The following IMMP2L variants were observed in gnomAD, a reference collection of about 807,000 sequenced individuals.
IMMP2L encodes the protein mitochondrial inner membrane protease subunit 2.
In IMMP2L, 18 loss-of-function variants were observed where a neutral mutation model predicts 19.3. That is an observed-to-expected ratio of 0.93 (90% CI 0.64 to 1.38). The LOEUF is 1.38. Ranked by LOEUF, IMMP2L falls within the 40% of genes most tolerant of loss-of-function variation. IMMP2L has a pLI of 0.00. For missense variants in IMMP2L, 233 were observed against 218.2 expected, an observed-to-expected ratio of 1.07 and a Z score of -0.43; for synonymous variants, 76 against 73.0, an observed-to-expected ratio of 1.04 and a Z score of -0.21.
intron 5 of IMMP2L, among the ~76,000 whole-genome samples, chr7:110,716,465 G>T (rs1390741946): frequency 2.0e-5 from 3 of 152,152 alleles, no homozygotes; most frequent in Admixed American, 1.3e-4. Flanking sequence ...TTTAGAACCT[G>T]CTGAAGGGTC....
intron 3 of IMMP2L, among the ~76,000 whole-genome samples, chr7:110,997,350 G>A (rs1469526328): frequency 6.6e-6 from 1 of 151,988 alleles, no homozygotes; most frequent in Non-Finnish European, 1.5e-5. Context: ...TAAAGATGCT[G>A]TAGACATCAA....
At chr7:111,145,923 T>C (rs937398894) in intron 3 of IMMP2L, among the ~76,000 whole-genome samples, 30 of 152,108 alleles carry the variant, frequency 2.0e-4, no homozygotes, top group African/African-American at 6.8e-4. Flanking sequence ...ATATGTTGGC[T>C]CCATTCATCA....
intron 3 of IMMP2L, among the ~76,000 whole-genome samples, chr7:111,234,111 G>A (rs1393603628): frequency 6.6e-6 from 1 of 152,008 alleles, no homozygotes; most frequent in Non-Finnish European, 1.5e-5. Context: ...AAATCTTGAT[G>A]TGTTTTCATT....
intron 3 of IMMP2L, among the ~76,000 whole-genome samples, chr7:111,179,224 T>A (rs2129610662): frequency 6.6e-6 from 1 of 152,156 alleles, no homozygotes; most frequent in South Asian, 2.1e-4. Context: ...ATCTGAGAAG[T>A]AGGTCTCAAC....
intron 3 of IMMP2L, among the ~76,000 whole-genome samples, chr7:111,304,718 G>GTGTGTGTGTGT (rs67899815): frequency 2.1e-5 from 3 of 140,676 alleles, no homozygotes; most frequent in East Asian, 2.1e-4. Flanking sequence ...GTGTGTGTGT[G>GTGTGTGTGTGT]GTGTATCCTG....
At position 111,544,602 on chromosome 7, in the gene IMMP2L, G is replaced by A. The variant is rs1448689000; in HGVS notation, c.-3+17249C>T. 4.6e-5 allele frequency among the ~76,000 whole-genome samples: 7 copies of A among 152,038 alleles called. No individual in the cohort carries two copies. In the South Asian group the frequency reaches 8.3e-4, roughly 18 times the overall value. On this transcript the variant is annotated intron_variant, in intron 1 of 5. Coordinates refer to ENST00000405709, the MANE Select transcript of IMMP2L (RefSeq NM_032549.4). ...TACACATTTACCTTTGGAATAATAC[G>A]TCATCTGCTTTTTGTATTCTAGACA... is the stretch of plus-strand genomic sequence containing the variant.
At chr7:111,345,344 A>T (rs997301657) in intron 3 of IMMP2L, among the ~76,000 whole-genome samples, 2 of 152,056 alleles carry the variant, frequency 1.3e-5, no homozygotes, top group African/African-American at 4.8e-5. Context: ...CTGAGGCACA[A>T]TTTGCTACCC....
intron 3 of IMMP2L, among the ~76,000 whole-genome samples, chr7:111,396,822 C>T (rs1270379434): frequency 6.6e-6 from 1 of 152,008 alleles, no homozygotes; most frequent in Non-Finnish European, 1.5e-5. Flanking sequence ...CGGTGGCTCA[C>T]GCCTGTAATC....
chr7:111,232,902 G>A (rs1233587248), intron 3 of IMMP2L, among the ~76,000 whole-genome samples: 1 of 152,026 alleles, frequency 6.6e-6, no homozygotes, highest in Non-Finnish European at 1.5e-5. Context: ...CTCAGAGTCA[G>A]CTCCTCTGGA....
chr7:111,543,625 G>C (rs1375005820), intron 1 of IMMP2L, among the ~76,000 whole-genome samples: 1 of 152,072 alleles, frequency 6.6e-6, no homozygotes, highest in African/African-American at 2.4e-5. Flanking sequence ...TTTTATTTGA[G>C]AGCAAATGTA....
intron 3 of IMMP2L, among the ~76,000 whole-genome samples, chr7:111,158,559 T>A (rs1054258003): frequency 2.0e-5 from 3 of 152,188 alleles, no homozygotes; most frequent in East Asian, 3.8e-4. Context: ...TCCAAAACTC[T>A]AGTTTTTCGA....
chr7:111,009,368 T>C (rs373451317), intron 3 of IMMP2L, among the ~76,000 whole-genome samples: 1 of 152,072 alleles, frequency 6.6e-6, no homozygotes, highest in African/African-American at 2.4e-5. Context: ...ATATATGCAT[T>C]TTTTTCTGAG....
intron 5 of IMMP2L, among the ~76,000 whole-genome samples, chr7:110,681,108 G>A (rs1259688135): frequency 6.6e-6 from 1 of 151,692 alleles, no homozygotes; most frequent in African/African-American, 2.4e-5. Flanking sequence ...AGGCTGATGT[G>A]GAAATACTGG....
intron 3 of IMMP2L, among the ~76,000 whole-genome samples, chr7:111,142,430 A>T (rs1477488620): frequency 6.6e-6 from 1 of 152,062 alleles, no homozygotes; most frequent in Non-Finnish European, 1.5e-5. Context: ...TCATAATATC[A>T]GAAGTATTAC....
chr7:110,876,377 T>C (rs1196379819), intron 5 of IMMP2L, among the ~76,000 whole-genome samples: 1 of 152,124 alleles, frequency 6.6e-6, no homozygotes, highest in Non-Finnish European at 1.5e-5. Flanking sequence ...CTTTGACACT[T>C]TGATGGAATA....
rs903191426 is a variant in IMMP2L at position 110,728,570 on chromosome 7, T to C, written c.409-64849A>G. Among the ~76,000 whole-genome samples, 1 of 152,152 alleles carries C rather than the reference T, an allele frequency of 6.6e-6. No homozygotes were observed. The highest frequency in any genetic ancestry group is 1.5e-5 in the Non-Finnish European group (1 of 68,010). ...TTTGACCCACCTTACCTGCAAAGAA[T>C]AATCAGGGCAGAAGGCTCACCATTA... On this transcript the variant is annotated intron_variant, in intron 5 of 5. Coordinates refer to ENST00000405709, the MANE Select transcript of IMMP2L (RefSeq NM_032549.4). This position sits in a 1 kb window ranked among gnomAD's most constrained non-coding sequence, Gnocchi z 4.6.
At chr7:111,420,817 T>C (rs906208586) in intron 3 of IMMP2L, among the ~76,000 whole-genome samples, 1 of 151,754 alleles carries the variant, frequency 6.6e-6, no homozygotes, top group African/African-American at 2.4e-5. Context: ...TGATGGACAT[T>C]TGGGTTGGTT....
chr7:110,737,890 G>A (rs370558015), intron 5 of IMMP2L, among the ~76,000 whole-genome samples: 2 of 152,170 alleles, frequency 1.3e-5, no homozygotes, highest in South Asian at 4.1e-4. Flanking sequence ...AGGAGTCTTT[G>A]TAGACCCTCG....
chr7:110,703,339 T>C (rs1287673207), intron 5 of IMMP2L, among the ~76,000 whole-genome samples: 1 of 152,158 alleles, frequency 6.6e-6, no homozygotes, highest in Non-Finnish European at 1.5e-5. Context: ...AATCTGCTAA[T>C]ATTTTCATAA....
Sources: gnomAD v4.1 joint callset for allele counts (sites outside exome capture counted in the v4.1 genomes callset) on GRCh38, gnomAD v4.1.1 for gene constraint, Gnocchi (gnomAD v3.1) non-coding constraint, MANE v1.5 for transcripts, NCBI Gene and HGNC (gene_info 2026-07-23, HGNC 2026-07-21) for gene names.